The following USP39 variants were observed in gnomAD, a reference collection of about 807,000 sequenced individuals.
The protein encoded by USP39 is ubiquitin specific peptidase 39, also known as ubiquitin carboxyl-terminal hydrolase 39.
A neutral mutation model predicts 66.4 loss-of-function variants in USP39; 38 were observed. The observed-to-expected ratio is 0.57, with a 90% CI of 0.44 to 0.75. The LOEUF (loss-of-function observed/expected upper bound fraction) is 0.75, where lower values mean the gene tolerates loss of function less well. USP39 is among the 30% of genes least tolerant of loss of function. The pLI, the probability that USP39 is intolerant of heterozygous loss-of-function variation, is 0.00. For synonymous variants in USP39, 303 were observed against 274.6 expected, an observed-to-expected ratio of 1.10 and a Z score of -1.02; for missense variants, 608 against 714.4, an observed-to-expected ratio of 0.85 and a Z score of 1.70.
At chr2:85,630,611 G>A in intron 5 of USP39, 110 bp from the exon 6 acceptor site, 1 of 1,038,638 alleles carries the variant, frequency 9.6e-7, no homozygotes, top group South Asian at 1.6e-5. Flanking sequence ...GGCTCTTTAA[G>A]GCCATCACAG....
At chr2:85,646,962 A>G (rs1238996019) in intron 11 of USP39, among the ~76,000 whole-genome samples, 1 of 144,606 alleles carries the variant, frequency 6.9e-6, no homozygotes, top group African/African-American at 2.6e-5. Context: ...ATCTTGGCTC[A>G]CTGCAACCTC....
upstream of USP39, chr2:85,607,653 G>C (rs1409827813): frequency 6.6e-6 from 1 of 152,202 alleles, no homozygotes; most frequent in Non-Finnish European, 1.5e-5. Context: ...CAAACCAACA[G>C]TGCCATCAGG....
chr2:85,648,894 C>T lies in USP39; in HGVS notation c.*86C>T, dbSNP rs568878911. 341 of 1,551,148 alleles carry T rather than the reference C, an allele frequency of 2.2e-4. No homozygotes were observed. The highest frequency in any genetic ancestry group is 2.6e-4 in the Non-Finnish European group (299 of 1,129,132). On this transcript the variant is annotated 3_prime_UTR_variant, in exon 13 of 13. Coordinates refer to ENST00000323701, the MANE Select transcript of USP39 (RefSeq NM_006590.4). ...GAAGCTGTAGCTGAACACAGGCTGGCTGGTGGGCTTCCTAGGCCAGCCCAG... is the reference window on the plus strand; with the variant it reads ...GAAGCTGTAGCTGAACACAGGCTGGTTGGTGGGCTTCCTAGGCCAGCCCAG...
intron 3 of USP39, among the ~76,000 whole-genome samples, chr2:85,623,017 A>G (rs1036931430): frequency 6.6e-6 from 1 of 152,216 alleles, no homozygotes; most frequent in Non-Finnish European, 1.5e-5. Flanking sequence ...AATAAGTGCA[A>G]TAGGAGTTGA....
intron 11 of USP39, chr2:85,645,986 C>T (rs1025172092): frequency 6.6e-6 from 1 of 152,108 alleles, no homozygotes; most frequent in East Asian, 1.9e-4. Context: ...GAACCTCTGC[C>T]CTAGACTAGA....
intron 11 of USP39, among the ~76,000 whole-genome samples, chr2:85,647,574 G>T (rs1471796833): frequency 6.6e-6 from 1 of 150,976 alleles, no homozygotes; most frequent in African/African-American, 2.4e-5. Context: ...GGGGAGGATC[G>T]CTTGAATCCA....
chr2:85,621,526 C>G lies in USP39; in HGVS notation c.380C>G (p.Ser127Cys), dbSNP rs186867317. 19 of 1,614,018 alleles carry G rather than the reference C, an allele frequency of 1.2e-5. No homozygotes were observed. The African/African-American group carries it at 1.5e-4, about 12-fold the overall frequency. The change falls in exon 3 of 13, where the codon TCC (serine) becomes TGC (cysteine). Residue 127 changes from serine to cysteine, a missense_variant. Physicochemically the swap from Ser to Cys is moderately radical, Grantham distance 112. Around this residue, in one of 6 missense-constraint regions of USP39, gnomAD observed 115 missense variants for 198.6 expected, o/e 0.58. Coordinates refer to ENST00000323701, the MANE Select transcript of USP39 (RefSeq NM_006590.4). Reference protein sequence around the residue: ...DFDFEKLCSISLSHINAYACL... With the variant: ...DFDFEKLCSICLSHINAYACL... ...GACTTTGAGAAACTGTGTTCTATCT[C>G]CCTCTCACACATCAATGCTTATGCC...
At chr2:85,618,662 A>G (rs1042037933) in intron 1 of USP39, among the ~76,000 whole-genome samples, 2 of 151,784 alleles carry the variant, frequency 1.3e-5, no homozygotes, top group South Asian at 2.1e-4. Flanking sequence ...CATATTTTTC[A>G]TGCTTTATGG....
At chr2:85,647,501 T>TA (rs58710357) in intron 11 of USP39, among the ~76,000 whole-genome samples, 11,732 of 148,134 alleles carry the variant, frequency 0.079, 939 homozygotes, top group East Asian at 0.31. Context: ...CCATTGCTAT[T>TA]AAAAAAAAAA....
At chr2:85,605,170 C>T (rs564119096) in intron 1 of USP39, among the ~76,000 whole-genome samples, 71 of 151,326 alleles carry the variant, frequency 4.7e-4, no homozygotes, top group African/African-American at 1.5e-3. Context: ...AGTGCTGACT[C>T]GGTGGTGGAA....
rs965520881 is a variant in USP39, at chr2:85,638,892, G to A, written c.1096-311G>A. On this transcript the variant is annotated intron_variant, in intron 8 of 12. Transcript: ENST00000323701. Reference sequence around the variant, plus strand: ...CTCACTGTGTTGCCCAGGCTGGTCTGGAAGTCCTGGACTCAAGCAGTCCTC... The same window carrying A: ...CTCACTGTGTTGCCCAGGCTGGTCTAGAAGTCCTGGACTCAAGCAGTCCTC... Among the ~76,000 whole-genome samples the A allele has an allele frequency of 4.0e-5, 6 of 150,764 alleles. No individual in the cohort carries two copies. In the Middle Eastern group the frequency reaches 0.01, roughly 258 times the overall value.
chr2:85,642,096 T>C (rs538873385), intron 10 of USP39, among the ~76,000 whole-genome samples: 17 of 152,192 alleles, frequency 1.1e-4, no homozygotes, highest in African/African-American at 4.1e-4. Flanking sequence ...ATGAGAGGCT[T>C]GGAGTAGATG....
intron 2 of USP39, 44 bp downstream of exon 2, chr2:85,619,333 A>ATCGAAAC: frequency 1.3e-6 from 2 of 1,594,604 alleles, no homozygotes; most frequent in Non-Finnish European, 1.7e-6. Context: ...GAACAATGGA[A>ATCGAAAC]TCTGTGCAGA....
chr2:85,647,658 CAAA>C (rs397707342), intron 11 of USP39, among the ~76,000 whole-genome samples: 2 of 82,470 alleles, frequency 2.4e-5, no homozygotes. Flanking sequence ...GACCCTGTCT[CAAA>C]AAAAAAAAAA....
chr2:85,621,585 T>G lies in USP39; in HGVS notation c.433+6T>G. ...GTGTGGCAAGTACTTTCAAGGTAAA[T>G]AAGTTGTTAGAGCTAACTGCAGATC... is the stretch of plus-strand genomic sequence containing the variant. On this transcript the variant is annotated splice_donor_region_variant and intron_variant, in intron 3 of 12. Transcript: ENST00000323701. 1 of 1,612,286 alleles carries G rather than the reference T, an allele frequency of 6.2e-7. No homozygotes were observed. Among genetic ancestry groups the G allele is most frequent in the Non-Finnish European group, 8.5e-7 (1 of 1,179,008 alleles).
chr2:85,622,310 A>T (rs116445065), intron 3 of USP39, among the ~76,000 whole-genome samples: 7,515 of 151,514 alleles, frequency 0.05, 222 homozygotes, highest in Middle Eastern at 0.1. Context: ...TTTAGTAGAG[A>T]GGGGGTTTCA....
chr2:85,605,858 G>C (rs1175771866), intron 1 of USP39, among the ~76,000 whole-genome samples: 2 of 152,238 alleles, frequency 1.3e-5, no homozygotes, highest in African/African-American at 4.8e-5. Context: ...CCCTTCCAGA[G>C]AGACTTTTAC....
chr2:85,640,674 T>C (rs1427661160), intron 9 of USP39, among the ~76,000 whole-genome samples: 2 of 150,504 alleles, frequency 1.3e-5, no homozygotes, highest in Non-Finnish European at 3.0e-5. Flanking sequence ...GGTTTCACCA[T>C]GTTGTCAAGG....
At chr2:85,610,722 C>T (rs1021332773), upstream of USP39, 1 of 151,330 alleles carries the variant, frequency 6.6e-6, no homozygotes, top group Non-Finnish European at 1.5e-5. Flanking sequence ...AGTTCGAGAT[C>T]AGCCTGGACA....
Sources: allele counts gnomAD v4.1 joint callset (sites outside exome capture counted in the v4.1 genomes callset), GRCh38; gene constraint gnomAD v4.1.1; regional missense constraint gnomAD v4.1.1; transcripts MANE v1.5; gene names NCBI Gene and HGNC (gene_info 2026-07-23, HGNC 2026-07-21).